The following BTRC variants were observed in gnomAD, a reference collection of about 807,000 sequenced individuals.
BTRC encodes beta-transducin repeat containing E3 ubiquitin protein ligase.
BTRC carries 42 observed loss-of-function variants against 85.5 expected under a neutral mutation model. That is an observed-to-expected ratio of 0.49 (90% CI 0.38 to 0.64). The LOEUF (loss-of-function observed/expected upper bound fraction) is 0.64, where lower values mean the gene tolerates loss of function less well. BTRC is among the 30% of genes least tolerant of loss of function. The probability of loss-of-function intolerance (pLI) is 0.00; values close to 1 mark genes in which losing one functional copy is unlikely to be tolerated. For missense variants in BTRC, 594 were observed against 743.5 expected (o/e 0.80, Z 2.34); for synonymous variants, 255 against 263.3 (o/e 0.97, Z 0.30).
At chr10:101,392,719 T>G (rs779027538) in intron 1 of BTRC, among the ~76,000 whole-genome samples, 11 of 152,106 alleles carry the variant, frequency 7.2e-5, no homozygotes, top group Non-Finnish European at 1.3e-4. Flanking sequence ...AGACAGGGTT[T>G]CACCATGTTG....
intron 13 of BTRC, 21 bp from the exon 14 acceptor site, chr10:101,550,678 T>G: frequency 6.2e-7 from 1 of 1,605,354 alleles, no homozygotes; most frequent in South Asian, 1.1e-5. Context: ...GTTCCTACCC[T>G]TTTTGTTTCT....
At chr10:101,367,043 A>ATAT (rs1564730897) in intron 1 of BTRC, among the ~76,000 whole-genome samples, 1 of 43,382 alleles carries the variant, frequency 2.3e-5, no homozygotes, top group African/African-American at 6.8e-5. Flanking sequence ...TATATATATA[A>ATAT]ATATATATAT....
At chr10:101,551,017 A>C (rs1391045773) in intron 14 of BTRC, 126 bp downstream of exon 14, 3 of 811,452 alleles carry the variant, frequency 3.7e-6, no homozygotes, top group Non-Finnish European at 5.6e-6. Context: ...CCGAGGAAGC[A>C]GACAATGTGA....
At chr10:101,430,518 GC>G in intron 2 of BTRC, 66 bp downstream of exon 2, 2 of 1,272,952 alleles carry the variant, frequency 1.6e-6, no homozygotes, top group Non-Finnish European at 2.3e-6. Flanking sequence ...ATTAGTATGT[GC>G]CTCCTCCTTT....
intron 4 of BTRC, among the ~76,000 whole-genome samples, chr10:101,511,472 G>A (rs370200871): frequency 6.6e-6 from 1 of 151,808 alleles, no homozygotes; most frequent in Non-Finnish European, 1.5e-5. Context: ...AGCAGTTCTC[G>A]TGCCTCAGAC....
At chr10:101,538,424 A>G (rs2062419268) in intron 13 of BTRC, 53 bp downstream of exon 13, 5 of 1,474,232 alleles carry the variant, frequency 3.4e-6, no homozygotes, top group Non-Finnish European at 4.7e-6. Context: ...GGAAGAAATT[A>G]AACGTTGATG....
At chr10:101,416,757 G>A (rs773941637) in intron 1 of BTRC, among the ~76,000 whole-genome samples, 5 of 152,092 alleles carry the variant, frequency 3.3e-5, no homozygotes, top group South Asian at 2.1e-4. Context: ...CAGGTTAACC[G>A]TAATGCATTT....
At chr10:101,491,160 G>C (rs562409437) in intron 4 of BTRC, among the ~76,000 whole-genome samples, 2 of 152,182 alleles carry the variant, frequency 1.3e-5, no homozygotes, top group South Asian at 4.2e-4. Flanking sequence ...ATCTTTCAAG[G>C]ATCTAAGTTG....
intron 1 of BTRC, among the ~76,000 whole-genome samples, chr10:101,429,044 A>C (rs1193370168): frequency 1.3e-5 from 2 of 152,190 alleles, no homozygotes; most frequent in Non-Finnish European, 1.5e-5. Flanking sequence ...TTCTACAACT[A>C]TATTGTTTTA....
intron 1 of BTRC, among the ~76,000 whole-genome samples, chr10:101,366,766 T>TTATATATATATATATA (rs375980263): frequency 7.9e-5 from 4 of 50,924 alleles, no homozygotes; most frequent in East Asian, 4.9e-4. Context: ...CTTAATCTAG[T>TTATATATATATATATA]TATATATATA....
At chr10:101,383,701 A>C (rs138324123) in intron 1 of BTRC, among the ~76,000 whole-genome samples, 98 of 152,288 alleles carry the variant, frequency 6.4e-4, no homozygotes, top group African/African-American at 2.3e-3. Context: ...TCTTTAATAG[A>C]TATGAGAATA....
intron 4 of BTRC, among the ~76,000 whole-genome samples, chr10:101,511,388 T>C (rs957063737): frequency 3.9e-5 from 6 of 152,138 alleles, no homozygotes; most frequent in African/African-American, 1.4e-4. Context: ...CCAGTTAAAG[T>C]AGGCTGCACT....
intron 6 of BTRC, among the ~76,000 whole-genome samples, chr10:101,530,234 G>A (rs12570653): frequency 6.6e-6 from 1 of 152,206 alleles, no homozygotes. Flanking sequence ...TCATGCCTTA[G>A]ACTTGATAGC....
intron 4 of BTRC, among the ~76,000 whole-genome samples, chr10:101,480,129 A>G (rs1206062764): frequency 1.3e-5 from 2 of 152,250 alleles, no homozygotes; most frequent in Non-Finnish European, 2.9e-5. Flanking sequence ...ACTATTAAGT[A>G]TGGGCTTTGT....
chr10:101,525,534 G>GTAC (rs939139211), intron 5 of BTRC, among the ~76,000 whole-genome samples: 3 of 151,842 alleles, frequency 2.0e-5, no homozygotes, highest in African/African-American at 7.3e-5. Flanking sequence ...TTCTGACTTA[G>GTAC]TGCCTCTCCC....
intron 1 of BTRC, among the ~76,000 whole-genome samples, chr10:101,409,424 A>G (rs1406150968): frequency 2.0e-5 from 3 of 152,214 alleles, no homozygotes; most frequent in African/African-American, 7.2e-5. Flanking sequence ...GCTGAATAAT[A>G]TTCCATTGTA....
intron 1 of BTRC, among the ~76,000 whole-genome samples, chr10:101,374,882 A>G (rs1202804473): frequency 1.3e-5 from 2 of 152,204 alleles, no homozygotes; most frequent in Non-Finnish European, 2.9e-5. Context: ...GTTATGTGAG[A>G]GAAATATCAG....
chr10:101,354,234 G>T lies in BTRC; in HGVS notation c.48+6G>T. The stretch of plus-strand genomic sequence containing the variant: ...AGAAGGCACTCAAGTTTATGGTGAG[G>T]AGACGGTGGAGGCCGGGGAACGGTG... On this transcript the variant is annotated splice_donor_region_variant and intron_variant, in intron 1 of 14. Transcript: ENST00000370187. 2 of 1,548,934 alleles carry T rather than the reference G, an allele frequency of 1.3e-6. No individual in the cohort carries two copies. The highest frequency in any genetic ancestry group is 1.7e-6 in the Non-Finnish European group (2 of 1,146,518).
At position 101,526,057 on chromosome 10, in the gene BTRC, G is replaced by A. The variant is rs776292989; in HGVS notation, c.601G>A (p.Asp201Asn). ...TGCTGAGAACATTCTGTCATACCTG[G>A]ATGCCAAATCACTATGTGCTGCTGA... ...HIAENILSYL[D>N]AKSLCAAELV... Residue 201 changes from aspartate (D) to asparagine (N), a missense_variant, in exon 6 of 15, where the codon GAT (aspartate) becomes AAT (asparagine). Transcript: ENST00000370187. The A allele has an allele frequency of 6.2e-7, 1 of 1,614,124 alleles. No homozygotes were observed. Among genetic ancestry groups the A allele is most frequent in the Non-Finnish European group, 8.5e-7 (1 of 1,180,028 alleles).
Sources: allele counts gnomAD v4.1 joint callset (sites outside exome capture counted in the v4.1 genomes callset), GRCh38; gene constraint gnomAD v4.1.1; transcripts MANE v1.5; gene names NCBI Gene and HGNC (gene_info 2026-07-23, HGNC 2026-07-21).